CELF2: variants seen among roughly 807,000 people sequenced by gnomAD.
CELF2 encodes the protein CUG triplet repeat RNA-binding protein 2.
Under a neutral mutation model 62.6 loss-of-function variants are expected in CELF2, and 8 were observed. That is an observed-to-expected ratio of 0.13 (90% confidence interval 0.07 to 0.23). The LOEUF is 0.23. Ranked by LOEUF, CELF2 falls within the 10% of genes least tolerant of loss-of-function variation. The pLI is 1.00. For synonymous variants in CELF2, 258 were observed against 250.0 expected, an observed-to-expected ratio of 1.03 and a Z score of -0.30; for missense variants, 333 against 671.0, an observed-to-expected ratio of 0.50 and a Z score of 5.56.
chr10:11,121,977 C>T (rs1210153730), intron 1 of CELF2, among the ~76,000 whole-genome samples: 2 of 152,138 alleles, frequency 1.3e-5, no homozygotes, highest in Non-Finnish European at 2.9e-5. Context: ...GCCAGATAAC[C>T]GCATAGCCCA....
intron 1 of CELF2, among the ~76,000 whole-genome samples, chr10:10,909,259 T>A (rs986839034): frequency 6.6e-6 from 1 of 152,194 alleles, no homozygotes; most frequent in Non-Finnish European, 1.5e-5. Flanking sequence ...AATCTGTTCC[T>A]CACTTCAGGG....
chr10:10,766,614 C>T, the CELF2 span, among the ~76,000 whole-genome samples: 1 of 152,190 alleles, frequency 6.6e-6, no homozygotes, highest in Non-Finnish European at 1.5e-5. Context: ...GCAGCAGGGA[C>T]TAGGTGAGCC....
intron 11 of CELF2, among the ~76,000 whole-genome samples, chr10:11,323,010 C>T (rs2095525227): frequency 1.3e-5 from 2 of 152,116 alleles, no homozygotes; most frequent in Admixed American, 1.3e-4. Flanking sequence ...CTCTCCACTA[C>T]AGAGCAGGGC....
chr10:10,799,862 T>C (rs774778751), intron 1 of CELF2, among the ~76,000 whole-genome samples: 19 of 152,184 alleles, frequency 1.2e-4, no homozygotes, highest in Admixed American at 5.2e-4. Flanking sequence ...ATTTTTGAAA[T>C]ATGAAAATGT....
intron 1 of CELF2, among the ~76,000 whole-genome samples, chr10:11,099,611 A>G (rs1381028878): frequency 6.6e-6 from 1 of 152,200 alleles, no homozygotes; most frequent in Non-Finnish European, 1.5e-5. Flanking sequence ...ATTAACACCA[A>G]TGTAACTTAA....
intron 1 of CELF2, among the ~76,000 whole-genome samples, chr10:11,087,702 T>G (rs1355381960): frequency 6.6e-6 from 1 of 152,110 alleles, no homozygotes; most frequent in Non-Finnish European, 1.5e-5. Flanking sequence ...CACAGAAACA[T>G]CGTCTTATAA....
At chr10:11,327,392 A>G (rs1312076945) in intron 12 of CELF2, among the ~76,000 whole-genome samples, 1 of 152,134 alleles carries the variant, frequency 6.6e-6, no homozygotes, top group African/African-American at 2.4e-5. Context: ...AGCCTCCTTA[A>G]CCATGTGCTC....
chr10:10,711,651 G>A, the CELF2 span, among the ~76,000 whole-genome samples: 1 of 152,190 alleles, frequency 6.6e-6, no homozygotes, highest in Non-Finnish European at 1.5e-5. Flanking sequence ...GGAGGCTGAG[G>A]CAGGAAGATC....
At chr10:10,882,164 T>C (rs991573881) in intron 1 of CELF2, among the ~76,000 whole-genome samples, 4 of 152,222 alleles carry the variant, frequency 2.6e-5, no homozygotes, top group Non-Finnish European at 5.9e-5. Context: ...GGCTTGCATC[T>C]TGTGACTCAT....
intron 2 of CELF2, among the ~76,000 whole-genome samples, chr10:10,994,335 C>T (rs970345154): frequency 5.3e-5 from 8 of 152,216 alleles, no homozygotes; most frequent in African/African-American, 1.9e-4. Context: ...AATTGTCCTT[C>T]ACTTTCTCAT....
chr10:11,103,306 T>C (rs2477024), intron 1 of CELF2, among the ~76,000 whole-genome samples: 10,000 of 151,160 alleles, frequency 0.066, 490 homozygotes, highest in African/African-American at 0.13. Context: ...TAATTTTTGC[T>C]CCGATGCTTT....
At chr10:11,249,316 C>G (rs772408564) in intron 4 of CELF2, 115 bp downstream of exon 4, 12 of 796,098 alleles carry the variant, frequency 1.5e-5, no homozygotes, top group Admixed American at 2.0e-5. Context: ...GGACAGAGAG[C>G]GCTGCTCCTG....
intron 2 of CELF2, among the ~76,000 whole-genome samples, chr10:10,959,290 T>TA (rs1366529710): frequency 6.6e-6 from 1 of 152,036 alleles, no homozygotes; most frequent in Non-Finnish European, 1.5e-5. Flanking sequence ...CAGAGAAAAA[T>TA]AAAAAAGTCT....
At chr10:11,282,556 G>A (rs1176793474) in intron 8 of CELF2, among the ~76,000 whole-genome samples, 1 of 152,258 alleles carries the variant, frequency 6.6e-6, no homozygotes, top group Non-Finnish European at 1.5e-5. Context: ...GTTTAGGACA[G>A]TATTATTGCA....
At chr10:11,129,112 C>A (rs370952579) in intron 1 of CELF2, among the ~76,000 whole-genome samples, 1 of 152,244 alleles carries the variant, frequency 6.6e-6, no homozygotes. Flanking sequence ...TGTCAAAGGC[C>A]TATTCTGCAT....
intron 1 of CELF2, among the ~76,000 whole-genome samples, chr10:11,080,243 C>T (rs1355358932): frequency 6.6e-6 from 1 of 152,152 alleles, no homozygotes; most frequent in East Asian, 1.9e-4. Flanking sequence ...CAAGTAGAGA[C>T]CCCATTAATG....
At chr10:10,834,066 T>G (rs2058083710) in intron 1 of CELF2, among the ~76,000 whole-genome samples, 1 of 152,218 alleles carries the variant, frequency 6.6e-6, no homozygotes, top group African/African-American at 2.4e-5. Context: ...TCAACCTAAA[T>G]GTCCATCAGT....
At chr10:11,034,632 C>A (rs983621251) in intron 1 of CELF2, among the ~76,000 whole-genome samples, 15 of 152,240 alleles carry the variant, frequency 9.9e-5, no homozygotes, top group African/African-American at 3.1e-4. Flanking sequence ...GGGGGAAAAT[C>A]AGCATTCATC....
At chr10:11,168,284 A>G (rs2067819536) in intron 2 of CELF2, among the ~76,000 whole-genome samples, 1 of 152,184 alleles carries the variant, frequency 6.6e-6, no homozygotes, top group Admixed American at 6.5e-5. Context: ...CTCACATCAA[A>G]TATTCCTTAA....
Sources: allele counts gnomAD v4.1 joint callset (sites outside exome capture counted in the v4.1 genomes callset), GRCh38; gene constraint gnomAD v4.1.1; transcripts MANE v1.5; gene names NCBI Gene and HGNC (gene_info 2026-07-23, HGNC 2026-07-21).